The following SLC9A9 variants were observed in gnomAD, a reference collection of about 807,000 sequenced individuals.
SLC9A9 encodes the protein sodium/hydrogen exchanger 9.
Under a neutral mutation model 77.8 loss-of-function variants are expected in SLC9A9, and 62 were observed. The observed-to-expected ratio is 0.80, with a 90% CI of 0.65 to 0.98. The LOEUF (loss-of-function observed/expected upper bound fraction) is 0.98, where lower values mean the gene tolerates loss of function less well. SLC9A9 is among the 50% of genes least tolerant of loss of function. The pLI is 0.00. For missense variants in SLC9A9, 775 were observed against 774.9 expected (o/e 1.00, Z 0.00); for synonymous variants, 320 against 283.5 (o/e 1.13, Z -1.29).
intron 4 of SLC9A9, 116 bp downstream of exon 4, chr3:143,794,885 A>C: frequency 1.1e-6 from 1 of 902,636 alleles, no homozygotes; most frequent in Non-Finnish European, 1.8e-6. Context: ...CAAATATGTG[A>C]TATACTAAAA....
chr3:143,569,736 A>G (rs2037227368), intron 8 of SLC9A9, among the ~76,000 whole-genome samples: 1 of 152,116 alleles, frequency 6.6e-6, no homozygotes. Flanking sequence ...AACATAGTTA[A>G]AAGGTACAAG....
intron 4 of SLC9A9, among the ~76,000 whole-genome samples, chr3:143,702,639 G>C (rs769725577): frequency 6.6e-6 from 1 of 151,578 alleles, no homozygotes; most frequent in African/African-American, 2.4e-5. Context: ...AAGAGGAAGA[G>C]AGGAAGAACG....
At chr3:143,701,328 T>C (rs2108788970) in intron 4 of SLC9A9, among the ~76,000 whole-genome samples, 1 of 152,132 alleles carries the variant, frequency 6.6e-6, no homozygotes, top group African/African-American at 2.4e-5. Context: ...AGGGAACAAT[T>C]TTAAAGCAAC....
At chr3:143,330,372 G>A (rs551117429) in intron 14 of SLC9A9, among the ~76,000 whole-genome samples, 1 of 152,204 alleles carries the variant, frequency 6.6e-6, no homozygotes, top group Non-Finnish European at 1.5e-5. Flanking sequence ...GAAAGGGACA[G>A]TCATGGTCCC....
At chr3:143,487,529 A>T (rs1241149559) in intron 11 of SLC9A9, among the ~76,000 whole-genome samples, 1 of 151,910 alleles carries the variant, frequency 6.6e-6, no homozygotes, top group African/African-American at 2.4e-5. Context: ...GGAACACATT[A>T]AGACTTCCTA....
At chr3:143,450,409 A>G (rs2034985174) in intron 12 of SLC9A9, among the ~76,000 whole-genome samples, 1 of 151,650 alleles carries the variant, frequency 6.6e-6, no homozygotes, top group Admixed American at 6.6e-5. Flanking sequence ...AAAAAATAGA[A>G]TATCTGAATT....
At chr3:143,625,536 A>T (rs1289970139) in intron 6 of SLC9A9, among the ~76,000 whole-genome samples, 5 of 152,108 alleles carry the variant, frequency 3.3e-5, no homozygotes, top group East Asian at 3.9e-4. Flanking sequence ...ATTTAATAAA[A>T]GGTGCTGGGA....
chr3:143,515,540 T>C (rs2036191000), intron 9 of SLC9A9, among the ~76,000 whole-genome samples: 1 of 152,244 alleles, frequency 6.6e-6, no homozygotes, highest in Non-Finnish European at 1.5e-5. Flanking sequence ...ACAGTTTTTT[T>C]CCCACTAGAT....
chr3:143,757,102 A>G (rs1458753618), intron 4 of SLC9A9, among the ~76,000 whole-genome samples: 2 of 152,180 alleles, frequency 1.3e-5, no homozygotes, highest in Non-Finnish European at 2.9e-5. Flanking sequence ...GCAGTGTCCC[A>G]GGAGCTGCCC....
At chr3:143,655,540 T>C (rs746566206) in intron 5 of SLC9A9, 57 of 985,314 alleles carry the variant, frequency 5.8e-5, no homozygotes, top group Middle Eastern at 1.0e-3. Context: ...GCTTCACTTG[T>C]GGCTTGGAGT....
chr3:143,602,885 T>C (rs531740922), intron 6 of SLC9A9, among the ~76,000 whole-genome samples: 1 of 152,364 alleles, frequency 6.6e-6, no homozygotes, highest in South Asian at 2.1e-4. Context: ...GAAATGGCAT[T>C]TCCAAGATTT....
At chr3:143,370,642 C>T (rs1160042296) in intron 13 of SLC9A9, among the ~76,000 whole-genome samples, 1 of 151,326 alleles carries the variant, frequency 6.6e-6, no homozygotes, top group Non-Finnish European at 1.5e-5. Context: ...GATCCTGGTT[C>T]ATGCTAATAA....
chr3:143,304,423 A>G (rs2030682462), intron 14 of SLC9A9, among the ~76,000 whole-genome samples: 1 of 152,238 alleles, frequency 6.6e-6, no homozygotes, highest in South Asian at 2.1e-4. Context: ...CTGTTAAGAC[A>G]AGGAACTGAG....
intron 9 of SLC9A9, among the ~76,000 whole-genome samples, chr3:143,520,700 C>T (rs943477019): frequency 2.0e-5 from 3 of 152,098 alleles, no homozygotes; most frequent in Non-Finnish European, 4.4e-5. Flanking sequence ...CCCAAGAGCA[C>T]AAAACTAGTA....
intron 4 of SLC9A9, among the ~76,000 whole-genome samples, chr3:143,708,498 C>A (rs1122452): frequency 6.6e-6 from 1 of 151,894 alleles, no homozygotes; most frequent in African/African-American, 2.4e-5. Context: ...GGTATCCCAC[C>A]TTCTTCCATC....
At chr3:143,547,773 C>CA (rs2108635353) in intron 9 of SLC9A9, among the ~76,000 whole-genome samples, 1 of 152,342 alleles carries the variant, frequency 6.6e-6, no homozygotes, top group African/African-American at 2.4e-5. Flanking sequence ...TCTAATATTA[C>CA]AAGCCTGCCT....
chr3:143,355,345 G>A (rs1347283996), intron 14 of SLC9A9, among the ~76,000 whole-genome samples: 1 of 152,074 alleles, frequency 6.6e-6, no homozygotes, highest in African/African-American at 2.4e-5. Context: ...GCTATCAGTA[G>A]GTATAAATAA....
chr3:143,693,179 T>C lies in SLC9A9; in HGVS notation c.649+13A>G, dbSNP rs1270283164. The C allele has an allele frequency of 1.3e-6, 2 of 1,581,986 alleles. No individual in the cohort carries two copies. The highest frequency in any genetic ancestry group is 2.7e-5 in the African/African-American group (2 of 74,208). On this transcript the variant is annotated intron_variant, in intron 5 of 15. Coordinates refer to ENST00000316549, the MANE Select transcript of SLC9A9 (RefSeq NM_173653.4). ...ATTCTTAAAAGAAGAAAATATATTATTTGAGCAATTACCTGGATCTGTAGC... is the reference window on the plus strand; with the variant it reads ...ATTCTTAAAAGAAGAAAATATATTACTTGAGCAATTACCTGGATCTGTAGC...
chr3:143,817,387 A>G (rs981278638), intron 2 of SLC9A9, among the ~76,000 whole-genome samples: 2 of 151,766 alleles, frequency 1.3e-5, no homozygotes, highest in African/African-American at 2.4e-5. Context: ...TGACCTCATG[A>G]TCCACCCGCC....
Sources: gnomAD v4.1 joint callset for allele counts (sites outside exome capture counted in the v4.1 genomes callset) on GRCh38, gnomAD v4.1.1 for gene constraint, MANE v1.5 for transcripts, NCBI Gene and HGNC (gene_info 2026-07-23, HGNC 2026-07-21) for gene names.